The following ZNF395 variants were observed in gnomAD, a reference collection of about 807,000 sequenced individuals.
The protein encoded by ZNF395 is zinc finger protein 395, also known as HD gene regulatory region-binding protein 2.
A neutral mutation model predicts 57.7 loss-of-function variants in ZNF395; 20 were observed. The observed-to-expected ratio is 0.35, with a 90% CI of 0.24 to 0.50. The LOEUF (loss-of-function observed/expected upper bound fraction) is 0.50, where lower values mean the gene tolerates loss of function less well. Among genes scored for constraint, ZNF395 ranks in the 20% least tolerant of loss-of-function variants. ZNF395 has a pLI of 0.97. For synonymous variants in ZNF395, 295 were observed against 275.9 expected (o/e 1.07, Z -0.69); for missense variants, 606 against 671.2 (o/e 0.90, Z 1.07).
In ZNF395 at chr8:28,348,502, T is replaced by G; in HGVS notation, c.*217A>C. 1 of 513,268 alleles carries G rather than the reference T, an allele frequency of 1.9e-6. No individual in the cohort carries two copies. The highest frequency in any genetic ancestry group is 3.5e-6 in the Non-Finnish European group (1 of 283,646). The allele number at this position is 513,268 out of a possible 1,614,324, so 31.8% of individuals were successfully genotyped here. A position where few individuals can be genotyped will look rare whatever the true frequency, so the allele number is the denominator to read the frequency against. ...CTTGGTCAGTTTTGGCTCTCTCCTA[T>G]TTTAGGGGGAAAAATATTTTTGTTT... On this transcript the variant is annotated 3_prime_UTR_variant, in exon 10 of 10. Coordinates refer to ENST00000344423, the MANE Select transcript of ZNF395 (RefSeq NM_018660.3).
intron 1 of ZNF395, among the ~76,000 whole-genome samples, chr8:28,364,580 G>C (rs572429822): frequency 9.2e-5 from 14 of 151,962 alleles, no homozygotes; most frequent in African/African-American, 3.4e-4. Flanking sequence ...CTTGAACCCG[G>C]GAGGCAGAGG....
rs932044216 is a variant in ZNF395, at chr8:28,352,278, C to T, written c.920+295G>A. Reference sequence around the variant, plus strand: ...GCTTGGCCACTAAACATCTTGGAAACGGGGTCTCACCAGCAACTAAACCAA... The same window carrying T: ...GCTTGGCCACTAAACATCTTGGAAATGGGGTCTCACCAGCAACTAAACCAA... On this transcript the variant is annotated intron_variant, in intron 6 of 9. Coordinates refer to ENST00000344423, the MANE Select transcript of ZNF395 (RefSeq NM_018660.3). The surrounding 1 kb of genome is among the most constrained non-coding windows in gnomAD (Gnocchi z 4.0). 3.9e-5 allele frequency among the ~76,000 whole-genome samples: 6 copies of T among 152,328 alleles called. 1 individual carries two copies. Among genetic ancestry groups the T allele is most frequent in the South Asian group, 4.1e-4 (2 of 4,822 alleles).
intron 1 of ZNF395, among the ~76,000 whole-genome samples, chr8:28,379,052 A>G (rs1215452558): frequency 6.6e-6 from 1 of 152,242 alleles, no homozygotes; most frequent in African/African-American, 2.4e-5. Context: ...TACAGAGAAT[A>G]AAGTGACTGT....
At chr8:28,374,858 C>T (rs989844855) in intron 1 of ZNF395, among the ~76,000 whole-genome samples, 5 of 152,216 alleles carry the variant, frequency 3.3e-5, no homozygotes, top group African/African-American at 1.2e-4. Flanking sequence ...CACACTTCCT[C>T]CATACCAGGC....
intron 1 of ZNF395, among the ~76,000 whole-genome samples, chr8:28,363,624 C>T (rs184483259): frequency 3.9e-5 from 6 of 152,106 alleles, no homozygotes; most frequent in Admixed American, 3.3e-4. Flanking sequence ...CTTTTCTTGG[C>T]CAAAAAACAA....
At chr8:28,358,783 T>C (rs766186603) in intron 3 of ZNF395, among the ~76,000 whole-genome samples, 2 of 152,124 alleles carry the variant, frequency 1.3e-5, no homozygotes, top group African/African-American at 2.4e-5. Flanking sequence ...ACATGGAAAG[T>C]ATATAAAACT....
intron 3 of ZNF395, among the ~76,000 whole-genome samples, chr8:28,357,921 C>A (rs577437760): frequency 1.3e-5 from 2 of 152,166 alleles, no homozygotes; most frequent in East Asian, 3.9e-4. Flanking sequence ...GTACATACAG[C>A]ATATAACATA....
At chr8:28,353,544 G>A (rs1338393699) in intron 4 of ZNF395, 136 bp from the exon 5 acceptor site, 8 of 657,660 alleles carry the variant, frequency 1.2e-5, no homozygotes, top group East Asian at 8.5e-5. Context: ...CTCTACCCTC[G>A]CAGACATTTC....
intron 1 of ZNF395, among the ~76,000 whole-genome samples, chr8:28,375,045 A>ACG (rs1362219489): frequency 6.6e-6 from 1 of 152,214 alleles, no homozygotes; most frequent in Non-Finnish European, 1.5e-5. Flanking sequence ...TTAAACAGAC[A>ACG]CGCACCCCCT....
At chr8:28,364,640 T>C (rs984090728) in intron 1 of ZNF395, among the ~76,000 whole-genome samples, 3 of 120,938 alleles carry the variant, frequency 2.5e-5, no homozygotes, top group African/African-American at 9.8e-5. Context: ...GGGGATAGAG[T>C]GAGACTCCGT....
intron 1 of ZNF395, among the ~76,000 whole-genome samples, chr8:28,371,435 CCTT>C (rs1801975258): frequency 6.6e-6 from 1 of 152,232 alleles, no homozygotes; most frequent in Non-Finnish European, 1.5e-5. Context: ...CCTGCCTCGG[CCTT>C]CTAAAGTGCT....
At chr8:28,364,350 G>A (rs2129966750) in intron 1 of ZNF395, among the ~76,000 whole-genome samples, 1 of 152,210 alleles carries the variant, frequency 6.6e-6, no homozygotes, top group South Asian at 2.1e-4. Context: ...AGTGAACCTT[G>A]ATGGGAAAAA....
chr8:28,378,376 C>A (rs1802069185), intron 1 of ZNF395, among the ~76,000 whole-genome samples: 1 of 152,096 alleles, frequency 6.6e-6, no homozygotes, highest in African/African-American at 2.4e-5. Flanking sequence ...AGAGCTGGGA[C>A]CATGGGCAGG....
chr8:28,371,921 CA>C (rs1201003327), intron 1 of ZNF395, among the ~76,000 whole-genome samples: 2 of 152,108 alleles, frequency 1.3e-5, no homozygotes, highest in Admixed American at 1.3e-4. Flanking sequence ...TGATGGTGGG[CA>C]CCTGCAATCC....
In ZNF395 at chr8:28,352,512, C is replaced by A; in HGVS notation, c.920+61G>T. The A allele has an allele frequency of 6.8e-7, 1 of 1,476,318 alleles. No individual in the cohort carries two copies. Among genetic ancestry groups the A allele is most frequent in the South Asian group, 1.1e-5 (1 of 87,030 alleles). 91.5% of individuals were successfully genotyped at this position (1,476,318 alleles called of 1,614,324 possible). On this transcript the variant is annotated intron_variant, in intron 6 of 9. Transcript: ENST00000344423. This position sits in a 1 kb window ranked among gnomAD's most constrained non-coding sequence, Gnocchi z 4.0. ...CTGTGGGCTGTGGGTCACAGGGACT[C>A]GGCAGGGTGGAGGGACACCCACACG...
intron 1 of ZNF395, among the ~76,000 whole-genome samples, chr8:28,361,745 T>G (rs141926672): frequency 1.3e-5 from 2 of 152,166 alleles, no homozygotes; most frequent in Non-Finnish European, 1.5e-5. Flanking sequence ...GTCTGTCTGA[T>G]GCACATAGAT....
chr8:28,372,850 T>C (rs901900654), intron 1 of ZNF395, among the ~76,000 whole-genome samples: 2 of 152,092 alleles, frequency 1.3e-5, no homozygotes, highest in Non-Finnish European at 2.9e-5. Flanking sequence ...AAATGTGCTG[T>C]GTGACAGGGA....
At chr8:28,363,948 T>C (rs1435449625) in intron 1 of ZNF395, among the ~76,000 whole-genome samples, 1 of 152,200 alleles carries the variant, frequency 6.6e-6, no homozygotes, top group Non-Finnish European at 1.5e-5. Context: ...CTCCTTTAAC[T>C]GGCCAGAATT....
Position 28,347,266 on chromosome 8 carries a change from C to T in ZNF395, c.*1453G>A, listed in dbSNP as rs1463560084. The T allele has an allele frequency of 3.3e-5, 5 of 152,228 alleles. No individual in the cohort carries two copies. The highest frequency in any genetic ancestry group is 2.6e-4 in the Admixed American group (4 of 15,278). The allele number at this position is 152,228 out of a possible 1,614,324, so 9.4% of individuals were successfully genotyped here. On this transcript the variant is annotated 3_prime_UTR_variant, in exon 10 of 10. Transcript: ENST00000344423. ...GGTGGCTGGGTAGGATTCCCTGAGC[C>T]CCTGACAGCTGGGACATAGGGCCAG...
Sources: allele counts gnomAD v4.1 joint callset (sites outside exome capture counted in the v4.1 genomes callset), GRCh38; gene constraint gnomAD v4.1.1; non-coding constraint Gnocchi (gnomAD v3.1); transcripts MANE v1.5; gene names NCBI Gene and HGNC (gene_info 2026-07-23, HGNC 2026-07-21).